ZNF469: variants seen among roughly 807,000 people sequenced by gnomAD.
The protein encoded by ZNF469 is zinc finger protein 469.
A neutral mutation model predicts 1.0 loss-of-function variants in ZNF469; 1 was observed. The ratio of observed to expected loss-of-function variants is 1.00; its 90% CI spans 0.35 to 4.73. The LOEUF is 4.73. Ranked by LOEUF, ZNF469 falls within the 30% of genes most tolerant of loss-of-function variation. ZNF469 has a pLI of 0.16. For synonymous variants in ZNF469, 2,703 were observed against 2,363.4 expected, an observed-to-expected ratio of 1.14 and a Z score of -4.17; for missense variants, 6,100 against 5,356.3, an observed-to-expected ratio of 1.14 and a Z score of -4.33.
At chr16:88,142,624 C>G in the ZNF469 span, among the ~76,000 whole-genome samples, 8 of 152,306 alleles carry the variant, frequency 5.3e-5, no homozygotes, top group East Asian at 1.5e-3. Context: ...ACGTGATGTG[C>G]CAGGTGTGGC....
At chr16:88,160,584 G>A in the ZNF469 span, among the ~76,000 whole-genome samples, 10 of 152,128 alleles carry the variant, frequency 6.6e-5, no homozygotes, top group Admixed American at 5.2e-4. Flanking sequence ...CAGCCCTTTC[G>A]CTTTTCTCAA....
intron 1 of ZNF469, among the ~76,000 whole-genome samples, chr16:88,423,560 T>TA (rs1905575178): frequency 6.6e-6 from 1 of 152,308 alleles, no homozygotes; most frequent in Admixed American, 6.5e-5. Flanking sequence ...TATTATCTCT[T>TA]AGTTTCCAAA....
chr16:88,192,963 GGTGATGGTA>G, the ZNF469 span, among the ~76,000 whole-genome samples: 1 of 151,384 alleles, frequency 6.6e-6, no homozygotes, highest in South Asian at 2.1e-4. Context: ...TGAGGATGAT[GGTGATGGTA>G]GTGATGGTGG....
In ZNF469 at chr16:88,429,569, G is replaced by T; in HGVS notation, c.2099G>T (p.Gly700Val). Residue 700 changes from glycine to valine, a missense_variant, in exon 3 of 3, where the codon GGA (glycine) becomes GTA (valine). By Grantham distance (109) the Gly-to-Val change is moderately radical. Transcript: ENST00000565624. ...CACGAGGGCCCCGAGGTGGGTCGGG[G>T]AGGGCTGCAGGGCTTCCCCCGTGCG... is the stretch of plus-strand genomic sequence containing the variant. The part of the protein sequence containing the change: ...FPHEGPEVGR[G>V]GLQGFPRAPP... 6.5e-7 allele frequency: 1 copy of T among 1,550,056 alleles called. No individual in the cohort carries two copies. The highest frequency in any genetic ancestry group is 8.7e-7 in the Non-Finnish European group (1 of 1,146,820).
chr16:88,411,491 AGCGG>A (rs1905163815), intron 1 of ZNF469, among the ~76,000 whole-genome samples: 4 of 12,552 alleles, frequency 3.2e-4, no homozygotes, highest in Non-Finnish European at 4.4e-4. Context: ...CAGGGGTGCG[AGCGG>A]GCAGGGGTGC....
the ZNF469 span, among the ~76,000 whole-genome samples, chr16:88,333,920 C>G: frequency 4.1e-4 from 61 of 149,416 alleles, no homozygotes; most frequent in African/African-American, 1.5e-3. Context: ...CTGTGTGTGT[C>G]TGTGTGTGTC....
the ZNF469 span, among the ~76,000 whole-genome samples, chr16:88,255,309 A>G: frequency 6.6e-6 from 1 of 152,232 alleles, no homozygotes; most frequent in Non-Finnish European, 1.5e-5. Context: ...GATGGGTTCT[A>G]TGGGAAAGGA....
At chr16:88,214,872 A>G in the ZNF469 span, among the ~76,000 whole-genome samples, 1 of 152,142 alleles carries the variant, frequency 6.6e-6, no homozygotes, top group Non-Finnish European at 1.5e-5. Flanking sequence ...CATGGTGTGT[A>G]TGTGCCACAT....
chr16:88,182,762 A>G, the ZNF469 span, among the ~76,000 whole-genome samples: 1 of 150,932 alleles, frequency 6.6e-6, no homozygotes, highest in African/African-American at 2.4e-5. Flanking sequence ...ATGGTTGTAG[A>G]CCTGAAGGTA....
chr16:88,365,719 G>A, the ZNF469 span, among the ~76,000 whole-genome samples: 1 of 152,314 alleles, frequency 6.6e-6, no homozygotes, highest in African/African-American at 2.4e-5. Context: ...TATGGCTTCA[G>A]GGCTGAGTGT....
the ZNF469 span, among the ~76,000 whole-genome samples, chr16:88,131,024 C>T: frequency 0.033 from 5,041 of 151,992 alleles, no homozygotes; most frequent in African/African-American, 0.11. Flanking sequence ...GGCTCGGTTC[C>T]ACGGCGGGCA....
At chr16:88,314,585 G>T in the ZNF469 span, among the ~76,000 whole-genome samples, 1 of 151,798 alleles carries the variant, frequency 6.6e-6, no homozygotes, top group Non-Finnish European at 1.5e-5. Flanking sequence ...AGGCAGTGCT[G>T]CTGTGGACTG....
the ZNF469 span, among the ~76,000 whole-genome samples, chr16:88,361,365 A>G: frequency 7.2e-5 from 11 of 152,244 alleles, no homozygotes; most frequent in African/African-American, 2.7e-4. Flanking sequence ...TAGAGGAAGC[A>G]CACACTGTAT....
At chr16:88,171,555 A>T in the ZNF469 span, among the ~76,000 whole-genome samples, 2 of 152,254 alleles carry the variant, frequency 1.3e-5, no homozygotes, top group Non-Finnish European at 2.9e-5. Flanking sequence ...ACACATAAAA[A>T]TAATCACATT....
chr16:88,247,923 C>G, the ZNF469 span, among the ~76,000 whole-genome samples: 1 of 152,258 alleles, frequency 6.6e-6, no homozygotes, highest in Non-Finnish European at 1.5e-5. Flanking sequence ...TGCCAGACAT[C>G]CAAATTGCTG....
chr16:88,381,442 T>C (rs1329051088), upstream of ZNF469, among the ~76,000 whole-genome samples: 1 of 151,754 alleles, frequency 6.6e-6, no homozygotes, highest in Non-Finnish European at 1.5e-5. Context: ...ACACACGGGT[T>C]TGGAAATTGA....
At position 88,431,208 on chromosome 16, in the gene ZNF469, T is replaced by C. The variant is rs1177293267; in HGVS notation, c.3738T>C (p.Arg1246=). 2 of 1,550,264 alleles carry C rather than the reference T, an allele frequency of 1.3e-6. No homozygotes were observed. The highest frequency in any genetic ancestry group is 1.7e-6 in the Non-Finnish European group (2 of 1,146,966). The change falls in exon 3 of 3, where the codon CGT becomes CGC. Residue 1246 remains arginine (R), a synonymous_variant. Transcript: ENST00000565624. ...PDSTEFTEAL[R]SPPAACAGEM... The stretch of plus-strand genomic sequence containing the variant: ...GCACAGAATTCACAGAGGCTTTGCG[T>C]TCTCCTCCAGCCGCCTGTGCGGGAG...
rs759032227 is a variant in ZNF469 at position 88,434,665 on chromosome 16, C to T, written c.7195C>T (p.Pro2399Ser). ...GATKMPRVTC[P>S]STGLGLGRTT... is the part of the protein sequence containing the mutation. Reference sequence around the variant, plus strand: ...TACCAAGATGCCCAGGGTCACCTGCCCTTCCACAGGACTGGGCTTGGGAAG... The same window carrying T: ...TACCAAGATGCCCAGGGTCACCTGCTCTTCCACAGGACTGGGCTTGGGAAG... The change falls in exon 3 of 3, where the codon CCT becomes TCT. Residue 2399 changes from proline to serine, a missense_variant. Pro to Ser is a moderately conservative substitution (Grantham distance 74). Transcript: ENST00000565624. 124 of 1,550,262 alleles carry T rather than the reference C, an allele frequency of 8.0e-5. No individual in the cohort carries two copies. Among genetic ancestry groups the T allele is most frequent in the Non-Finnish European group, 9.2e-5 (105 of 1,146,976 alleles).
chr16:88,331,394 A>G, the ZNF469 span, among the ~76,000 whole-genome samples: 1 of 149,648 alleles, frequency 6.7e-6, no homozygotes, highest in African/African-American at 2.5e-5. Context: ...CATCACCATC[A>G]CTACCATCGT....
Sources: gnomAD v4.1 joint callset for allele counts (sites outside exome capture counted in the v4.1 genomes callset) on GRCh38, gnomAD v4.1.1 for gene constraint, MANE v1.5 for transcripts, NCBI Gene and HGNC (gene_info 2026-07-23, HGNC 2026-07-21) for gene names.